KRT8: variants seen among roughly 807,000 people sequenced by gnomAD.
KRT8 encodes the protein keratin 8.
In KRT8, 24 loss-of-function variants were observed where a neutral mutation model predicts 43.0. That is an observed-to-expected ratio of 0.56 (90% CI 0.40 to 0.78). The LOEUF is 0.78. Ranked by LOEUF, KRT8 falls within the 30% of genes least tolerant of loss-of-function variation. The pLI, the probability that KRT8 is intolerant of heterozygous loss-of-function variation, is 0.00. For missense variants in KRT8, 492 were observed against 638.4 expected (o/e 0.77, Z 2.47); for synonymous variants, 214 against 261.2 (o/e 0.82, Z 1.74).
At chr12:52,940,539 A>G (rs1650488894) in intron 2 of KRT8, among the ~76,000 whole-genome samples, 1 of 151,786 alleles carries the variant, frequency 6.6e-6, no homozygotes, top group South Asian at 2.1e-4. Flanking sequence ...GAGGACAGAG[A>G]ACAGATCAGT....
At chr12:52,926,791 T>C (rs1236387353) in intron 2 of KRT8, among the ~76,000 whole-genome samples, 1 of 152,130 alleles carries the variant, frequency 6.6e-6, no homozygotes, top group African/African-American at 2.4e-5. Context: ...GCCCAGCAAG[T>C]AGTAGTCAGA....
chr12:52,947,308 C>A (rs1174437914), intron 2 of KRT8: 5 of 152,166 alleles, frequency 3.3e-5, no homozygotes, highest in South Asian at 2.1e-4. Context: ...GGCTTCTAAT[C>A]CAGACAGCCC....
intron 2 of KRT8, among the ~76,000 whole-genome samples, chr12:52,935,106 C>T (rs1334758863): frequency 2.7e-5 from 4 of 149,326 alleles, no homozygotes; most frequent in African/African-American, 7.4e-5. Flanking sequence ...ATAGGCCTGG[C>T]GTGGTGGCTC....
intron 2 of KRT8, among the ~76,000 whole-genome samples, chr12:52,916,979 G>T (rs957842839): frequency 2.6e-5 from 4 of 152,138 alleles, no homozygotes; most frequent in African/African-American, 9.7e-5. Context: ...GGAGGAATAG[G>T]GGACATTCAT....
chr12:52,907,275 A>C (rs2682299), upstream of KRT8, among the ~76,000 whole-genome samples: 111,928 of 151,612 alleles, frequency 0.74, 41,828 homozygotes, highest in East Asian at 0.87. Flanking sequence ...GAAGCTTTTA[A>C]CAGAAGACCA....
chr12:52,918,992 C>T (rs1941832086), intron 2 of KRT8, among the ~76,000 whole-genome samples: 1 of 152,112 alleles, frequency 6.6e-6, no homozygotes, highest in Admixed American at 6.5e-5. Flanking sequence ...GCTAGCTCAG[C>T]AGGGTGGAGG....
chr12:52,918,406 C>T (rs1410064067), intron 2 of KRT8, among the ~76,000 whole-genome samples: 2 of 152,096 alleles, frequency 1.3e-5, no homozygotes, highest in Non-Finnish European at 2.9e-5. Flanking sequence ...CATTTAAATT[C>T]ATAAAGATCC....
chr12:52,918,715 C>T (rs1160900732), intron 2 of KRT8, among the ~76,000 whole-genome samples: 1 of 152,168 alleles, frequency 6.6e-6, no homozygotes, highest in East Asian at 1.9e-4. Context: ...CCTAAAATAG[C>T]AGGTTTTCAA....
rs575610533 is a variant in KRT8 at position 52,900,799 on chromosome 12, G to A, written c.595-116C>T. On this transcript the variant is annotated intron_variant, in intron 3 of 7. Coordinates refer to ENST00000692008, the Ensembl canonical transcript of KRT8. ...AGGACTTTCTAGTTGCCCACTTTGT[G>A]GATTGATCTTCCAGCCCAGCCTCTG... The A allele has an allele frequency of 1.1e-4, 78 of 737,940 alleles. No homozygotes were observed. The African/African-American group carries it at 1.3e-3, about 12-fold the overall frequency. 45.7% of individuals were successfully genotyped at this position (737,940 alleles called of 1,614,324 possible).
At position 52,901,744 on chromosome 12, in the gene KRT8, C is replaced by T; in HGVS notation, c.533+120G>A. 19 of 763,062 alleles carry T rather than the reference C, an allele frequency of 2.5e-5. No individual in the cohort carries two copies. In the South Asian group the frequency reaches 2.5e-4, roughly 10 times the overall value. The allele number at this position is 763,062 out of a possible 1,614,324, so 47.3% of individuals were successfully genotyped here. ...CCGAGCAAACCTCATCAGGTGGTCA[C>T]CCTAATTAGATAGGACTGCACTTCC... On this transcript the variant is annotated intron_variant, in intron 2 of 7. Transcript: ENST00000692008.
intron 2 of KRT8, 165 bp downstream of exon 2, chr12:52,901,698 TG>T: frequency 1.6e-6 from 1 of 644,876 alleles, no homozygotes; most frequent in Non-Finnish European, 2.8e-6. Flanking sequence ...GCTAGGAACC[TG>T]GGCATAAACA....
chr12:52,935,973 G>T (rs752100434), intron 2 of KRT8, among the ~76,000 whole-genome samples: 2 of 152,180 alleles, frequency 1.3e-5, no homozygotes, highest in Non-Finnish European at 2.9e-5. Context: ...TCTAGATAAG[G>T]CTGGGCGAGG....
intron 2 of KRT8, among the ~76,000 whole-genome samples, chr12:52,938,724 T>C (rs1360920390): frequency 6.6e-6 from 1 of 152,104 alleles, no homozygotes; most frequent in Non-Finnish European, 1.5e-5. Flanking sequence ...TTCACGCTGT[T>C]CTCTTGTGTC....
At chr12:52,939,337 C>G (rs1292353118) in intron 2 of KRT8, among the ~76,000 whole-genome samples, 1 of 151,942 alleles carries the variant, frequency 6.6e-6, no homozygotes, top group African/African-American at 2.4e-5. Context: ...GAAACTGTCT[C>G]TAGTAAAAAT....
chr12:52,924,596 T>A (rs1385115037), intron 2 of KRT8, among the ~76,000 whole-genome samples: 2 of 151,938 alleles, frequency 1.3e-5, no homozygotes, highest in Non-Finnish European at 2.9e-5. Flanking sequence ...CTCAAAAAAA[T>A]AAATAAAAAT....
At chr12:52,935,093 A>C (rs550523784) in intron 2 of KRT8, among the ~76,000 whole-genome samples, 31 of 150,466 alleles carry the variant, frequency 2.1e-4, no homozygotes, top group African/African-American at 3.9e-4. Flanking sequence ...AGAAAAAAAA[A>C]AAATAGGCCT....
intron 2 of KRT8, among the ~76,000 whole-genome samples, chr12:52,940,910 G>A (rs1942258083): frequency 6.6e-6 from 1 of 151,968 alleles, no homozygotes; most frequent in African/African-American, 2.4e-5. Flanking sequence ...ACAGGTGTGA[G>A]CCACCACACC....
chr12:52,937,891 T>C (rs961318543), intron 2 of KRT8, among the ~76,000 whole-genome samples: 1 of 149,240 alleles, frequency 6.7e-6, no homozygotes, highest in African/African-American at 2.5e-5. Context: ...TCCCAGCTAC[T>C]CGGGAGACTG....
At chr12:52,905,160 G>T, upstream of KRT8, 2 of 1,230,864 alleles carry the variant, frequency 1.6e-6, no homozygotes, top group African/African-American at 1.5e-5. Context: ...AGGGGGCTGG[G>T]CCTAACCCGT....
Sources: allele counts gnomAD v4.1 joint callset (sites outside exome capture counted in the v4.1 genomes callset), GRCh38; gene constraint gnomAD v4.1.1; transcripts MANE v1.5; gene names NCBI Gene and HGNC (gene_info 2026-07-23, HGNC 2026-07-21).